Variants in TNRC6C observed in about 807,000 individuals in gnomAD.
The protein encoded by TNRC6C is trinucleotide repeat containing adaptor 6C.
Under a neutral mutation model 153.7 loss-of-function variants are expected in TNRC6C, and 20 were observed. The ratio of observed to expected loss-of-function variants is 0.13; its 90% CI spans 0.09 to 0.19. The LOEUF (loss-of-function observed/expected upper bound fraction) is 0.19. Ranked by LOEUF, TNRC6C falls within the 10% of genes least tolerant of loss-of-function variation. The pLI, the probability that TNRC6C is intolerant of heterozygous loss-of-function variation, is 1.00. For missense variants in TNRC6C, 1,987 were observed against 2,172.0 expected (o/e 0.91, Z 1.69); for synonymous variants, 811 against 841.4 (o/e 0.96, Z 0.63).
chr17:78,067,889 C>T (rs747417890), exon 5 of TNRC6C: 13 of 1,613,064 alleles, frequency 8.1e-6, no homozygotes, highest in Non-Finnish European at 1.1e-5. Flanking sequence ...TCCTGCAGCT[C>T]CTGGGGGAAC....
chr17:78,015,792 A>T (rs191170846), intron 1 of TNRC6C, among the ~76,000 whole-genome samples: 1 of 152,198 alleles, frequency 6.6e-6, no homozygotes, highest in East Asian at 1.9e-4. Flanking sequence ...GGCGCCTGTG[A>T]TCCCAGCTAC....
chr17:78,091,745 T>C (rs1244576295), intron 14 of TNRC6C, 138 bp downstream of exon 16: 1 of 994,576 alleles, frequency 1.0e-6, no homozygotes, highest in Non-Finnish European at 1.3e-6. Flanking sequence ...CATTCCATTA[T>C]AGTGCATATA....
intron 1 of TNRC6C, among the ~76,000 whole-genome samples, chr17:78,019,198 T>G (rs905705483): frequency 4.6e-5 from 7 of 152,152 alleles, no homozygotes; most frequent in Admixed American, 2.0e-4. Flanking sequence ...AGAATGGGGT[T>G]GCAGCCAGGA....
exon 3 of TNRC6C, chr17:78,050,900 A>G (rs1449193491): frequency 1.2e-6 from 2 of 1,613,922 alleles, no homozygotes; most frequent in Middle Eastern, 1.6e-4. Context: ...GGGGATGGGA[A>G]AAAAAATGGA....
chr17:78,013,175 CAT>C (rs1203134452), intron 1 of TNRC6C, among the ~76,000 whole-genome samples: 1 of 152,176 alleles, frequency 6.6e-6, no homozygotes, highest in African/African-American at 2.4e-5. Flanking sequence ...GAAGCTAGCT[CAT>C]AGAGTCCTTG....
At chr17:78,082,844 C>G (rs922038488) in intron 10 of TNRC6C, among the ~76,000 whole-genome samples, 16 of 152,212 alleles carry the variant, frequency 1.1e-4, no homozygotes, top group African/African-American at 3.9e-4. Flanking sequence ...GCAGCCCAAC[C>G]TTGCATTGTC....
intron 1 of TNRC6C, among the ~76,000 whole-genome samples, chr17:78,018,605 C>T (rs746235847): frequency 2.6e-5 from 4 of 152,176 alleles, no homozygotes; most frequent in South Asian, 2.1e-4. Flanking sequence ...CCTTATTTAC[C>T]GTGCTTTCCT....
chr17:78,099,287 G>T (rs1367061888), intron 17 of TNRC6C, among the ~76,000 whole-genome samples: 1 of 152,176 alleles, frequency 6.6e-6, no homozygotes, highest in Admixed American at 6.5e-5. Context: ...CAGCCTGGGT[G>T]TAATAATAAT....
intron 1 of TNRC6C, among the ~76,000 whole-genome samples, chr17:77,962,440 A>T (rs1310976944): frequency 1.3e-5 from 2 of 152,222 alleles, no homozygotes; most frequent in East Asian, 1.9e-4. Flanking sequence ...CGTATACCAA[A>T]GTAAAACACA....
At chr17:77,968,480 T>C (rs566538794) in intron 1 of TNRC6C, among the ~76,000 whole-genome samples, 67 of 151,874 alleles carry the variant, frequency 4.4e-4, no homozygotes, top group African/African-American at 1.6e-3. Context: ...TAACTGGGAC[T>C]ACAGGCGCCC....
At chr17:78,068,821 C>T (rs1470309193) in intron 5 of TNRC6C, among the ~76,000 whole-genome samples, 2 of 152,042 alleles carry the variant, frequency 1.3e-5, no homozygotes, top group Admixed American at 6.6e-5. Flanking sequence ...CACAAATGTG[C>T]GGTCATCTAG....
intron 1 of TNRC6C, among the ~76,000 whole-genome samples, chr17:77,979,384 G>A (rs1263593143): frequency 1.3e-5 from 2 of 152,126 alleles, no homozygotes; most frequent in Admixed American, 1.3e-4. Flanking sequence ...ATGTGTATCT[G>A]TTATGCATCA....
rs535519314 is a variant in TNRC6C at position 77,993,686 on chromosome 17, G to A, written c.-37-10484G>A. Among the ~76,000 whole-genome samples, 15 of 152,214 alleles carry A rather than the reference G, an allele frequency of 9.9e-5. No individual in the cohort carries two copies. The South Asian group carries it at 3.1e-3, about 32-fold the overall frequency. On this transcript the variant is annotated intron_variant, in intron 1 of 22. Transcript: ENST00000636222. ...CTGTCTAAACTTTTGCAGGGTGTGG[G>A]CAGCATCTGAACCTGTTGCGTGTTT...
At chr17:78,067,113 C>T (rs2072896632) in intron 4 of TNRC6C, 1 of 152,058 alleles carries the variant, frequency 6.6e-6, no homozygotes, top group South Asian at 2.1e-4. Context: ...GATGCCGAGG[C>T]AGGAGGACTA....
chr17:77,970,481 A>T (rs1032667395), intron 1 of TNRC6C, among the ~76,000 whole-genome samples: 3 of 152,176 alleles, frequency 2.0e-5, no homozygotes, highest in Admixed American at 6.5e-5. Flanking sequence ...GAGCAACCTC[A>T]CCTGGCTGCT....
intron 11 of TNRC6C, 49 bp downstream of exon 13, chr17:78,083,215 T>C: frequency 6.2e-7 from 1 of 1,609,750 alleles, no homozygotes. Context: ...CGAGTGCAGA[T>C]GCACGGCACC....
At position 78,086,973 on chromosome 17, in the gene TNRC6C, C is replaced by G. The variant is rs370403402; in HGVS notation, c.3682C>G (p.Pro1228Ala). 177 of 1,613,696 alleles carry G rather than the reference C, an allele frequency of 1.1e-4. No homozygotes were observed. The highest frequency in any genetic ancestry group is 1.4e-4 in the Non-Finnish European group (169 of 1,179,898). Residue 1228 changes from proline to alanine, a missense_variant, in exon 13 of 20, where the codon CCC becomes GCC. This residue lies in a region of TNRC6C where 765 missense variants were observed against 908.6 expected (regional missense o/e 0.84). Coordinates refer to ENST00000301624, the Ensembl canonical transcript of TNRC6C. ...GCCCCCGCCGCACCTGTCTCTGCAC[C>G]CCTCTGCAGGCAAATCGGCCATGGA... is the stretch of plus-strand genomic sequence containing the variant.
upstream of TNRC6C, among the ~76,000 whole-genome samples, chr17:77,958,881 C>G (rs891506945): frequency 6.8e-6 from 1 of 146,594 alleles, no homozygotes; most frequent in Non-Finnish European, 1.5e-5. Context: ...TCGCAGTAGC[C>G]GCGGGCCCGC....
At chr17:78,035,732 A>G (rs2072165829) in intron 2 of TNRC6C, among the ~76,000 whole-genome samples, 1 of 152,180 alleles carries the variant, frequency 6.6e-6, no homozygotes, top group African/African-American at 2.4e-5. Flanking sequence ...TTGAAGTTTC[A>G]CTTGTCCTTC....
Sources: allele counts gnomAD v4.1 joint callset (sites outside exome capture counted in the v4.1 genomes callset), GRCh38; gene constraint gnomAD v4.1.1; regional missense constraint gnomAD v4.1.1; transcripts MANE v1.5; gene names NCBI Gene and HGNC (gene_info 2026-07-23, HGNC 2026-07-21).